C4orf50: variants seen among roughly 807,000 people sequenced by gnomAD.
The protein encoded by C4orf50 is uncharacterized protein C4orf50.
A neutral mutation model predicts 77.2 loss-of-function variants in C4orf50; 80 were observed. The observed-to-expected ratio is 1.04, with a 90% confidence interval of 0.87 to 1.25. The LOEUF (loss-of-function observed/expected upper bound fraction) is 1.25. Ranked by LOEUF, C4orf50 falls within the 50% of genes most tolerant of loss-of-function variation. The probability of loss-of-function intolerance (pLI) is 0.00; values close to 1 mark genes in which losing one functional copy is unlikely to be tolerated. For missense variants in C4orf50, 1,257 were observed against 1,152.9 expected, an observed-to-expected ratio of 1.09 and a Z score of -1.31; for synonymous variants, 532 against 465.3, an observed-to-expected ratio of 1.14 and a Z score of -1.84.
At chr4:5,926,065 G>A (rs1334116306) in intron 7 of C4orf50, among the ~76,000 whole-genome samples, 1 of 152,172 alleles carries the variant, frequency 6.6e-6, no homozygotes, top group African/African-American at 2.4e-5. Flanking sequence ...CTGGAAGGAG[G>A]GGCTCCAGGG....
intron 7 of C4orf50, among the ~76,000 whole-genome samples, chr4:5,933,411 A>C (rs1254724708): frequency 2.0e-5 from 3 of 152,210 alleles, no homozygotes; most frequent in Admixed American, 2.0e-4. Context: ...TATGAATGGC[A>C]GCTCCTGCCT....
At chr4:5,947,092 T>C (rs1019919834) in intron 7 of C4orf50, among the ~76,000 whole-genome samples, 1 of 152,172 alleles carries the variant, frequency 6.6e-6, no homozygotes, top group Non-Finnish European at 1.5e-5. Flanking sequence ...CTATTTAAGA[T>C]GAAAGGTGGA....
chr4:5,971,415 C>T (rs2108773054), intron 31 of C4orf50, among the ~76,000 whole-genome samples: 1 of 152,294 alleles, frequency 6.6e-6, no homozygotes, highest in African/African-American at 2.4e-5. Context: ...CAGCCTCCCC[C>T]GACTCCTCCC....
intron 7 of C4orf50, among the ~76,000 whole-genome samples, chr4:5,949,530 A>C (rs566726186): frequency 1.3e-5 from 2 of 152,360 alleles, no homozygotes; most frequent in East Asian, 3.8e-4. Context: ...GGTGGCTGTC[A>C]GGAGCTGGGG....
Position 6,009,896 on chromosome 4 carries a change from G to A in C4orf50, c.427-1364C>T, listed in dbSNP as rs192523658. On this transcript the variant is annotated intron_variant, in intron 24 of 33. Transcript: ENST00000531445. The surrounding 1 kb of genome is among the most constrained non-coding windows in gnomAD (Gnocchi z 5.6). ...CACTTTGAACATCTGCCGCCTGTCT[G>A]GAAATGGGGTTTTGTGATGAGTCTT... Among the ~76,000 whole-genome samples the A allele has an allele frequency of 6.6e-6, 1 of 152,264 alleles. No homozygotes were observed. The highest frequency in any genetic ancestry group is 1.9e-4 in the East Asian group (1 of 5,176).
intron 7 of C4orf50, among the ~76,000 whole-genome samples, chr4:5,931,562 T>G (rs926398909): frequency 1.5e-4 from 23 of 152,302 alleles, no homozygotes; most frequent in African/African-American, 4.8e-4. Flanking sequence ...ACCTGCCCTC[T>G]GCCCTTCTAG....
exon 28 of C4orf50, chr4:5,989,944 C>T (rs1002487118): frequency 2.1e-6 from 3 of 1,422,822 alleles, no homozygotes; most frequent in Non-Finnish European, 2.7e-6. Context: ...CTCCTTGCCC[C>T]TAGCTGTCCT....
intron 7 of C4orf50, among the ~76,000 whole-genome samples, chr4:5,950,438 G>T (rs974561782): frequency 1.3e-5 from 2 of 152,188 alleles, no homozygotes; most frequent in African/African-American, 4.8e-5. Context: ...GGTCATTGTC[G>T]ACGTTGCTGA....
At chr4:5,931,393 T>G (rs1484063946) in intron 7 of C4orf50, among the ~76,000 whole-genome samples, 1 of 152,188 alleles carries the variant, frequency 6.6e-6, no homozygotes, top group African/African-American at 2.4e-5. Context: ...GAACAGAGTT[T>G]TATGGTTTGC....
At chr4:5,949,611 G>T (rs1718634237) in intron 7 of C4orf50, among the ~76,000 whole-genome samples, 1 of 152,342 alleles carries the variant, frequency 6.6e-6, no homozygotes, top group Non-Finnish European at 1.5e-5. Flanking sequence ...AGGGTTCTGT[G>T]GGTGGATGGT....
chr4:5,900,111 TCA>T lies in C4orf50; in HGVS notation c.*2475-1925_*2475-1924del, dbSNP rs1716280699. On this transcript the variant is annotated intron_variant, in intron 7 of 7. Coordinates refer to the C4orf50 transcript ENST00000324058. This position sits in a 1 kb window ranked among gnomAD's most constrained non-coding sequence, Gnocchi z 4.3. ...CTGAGTTCTCAGAAGGTTTCACGTT[TCA>T]GACCTAGAATTTCACCCTGGAACCA... The T allele has an allele frequency of 6.6e-6, 1 of 152,150 alleles. No homozygotes were observed. The highest frequency in any genetic ancestry group is 2.4e-5 in the African/African-American group (1 of 41,438). The allele number at this position is 152,150 out of a possible 1,614,324, so 9.4% of individuals were successfully genotyped here.
chr4:5,943,345 G>C (rs1231500999), intron 7 of C4orf50, among the ~76,000 whole-genome samples: 1 of 152,164 alleles, frequency 6.6e-6, no homozygotes, highest in Non-Finnish European at 1.5e-5. Flanking sequence ...GTTTTCCCAG[G>C]GGTTCACATT....
chr4:5,966,225 C>T (rs530406547), intron 32 of C4orf50, among the ~76,000 whole-genome samples: 4 of 152,282 alleles, frequency 2.6e-5, no homozygotes, highest in African/African-American at 9.6e-5. Context: ...CCTGTAATCC[C>T]AGCACTTTGG....
intron 7 of C4orf50, among the ~76,000 whole-genome samples, chr4:5,933,839 C>T (rs1717876467): frequency 6.6e-6 from 1 of 152,040 alleles, no homozygotes; most frequent in Non-Finnish European, 1.5e-5. Context: ...GAAGTCCCCT[C>T]CAAGATAGAA....
In C4orf50 at chr4:5,959,818, G is replaced by A. The variant is rs1198161737; in HGVS notation, c.4276-192C>T. The stretch of plus-strand genomic sequence containing the variant: ...GTGACAGTTCAGTGAGACACATGCT[G>A]TCATCACTGCGTTCTGGGTCAGAAA... On this transcript the variant is annotated intron_variant, in intron 33 of 33. Transcript: ENST00000531445. Among the ~76,000 whole-genome samples, 3 of 152,224 alleles carry A rather than the reference G, an allele frequency of 2.0e-5. No individual in the cohort carries two copies. In the East Asian group the frequency reaches 5.8e-4, roughly 29 times the overall value.
At chr4:5,990,243 C>A in exon 28 of C4orf50, 1 of 1,235,654 alleles carries the variant, frequency 8.1e-7, no homozygotes, top group Non-Finnish European at 1.0e-6. Context: ...TCTGATCCTG[C>A]ACGTCCTCTG....
At chr4:6,014,476 C>T (rs1277573477) in intron 23 of C4orf50, among the ~76,000 whole-genome samples, 1 of 152,174 alleles carries the variant, frequency 6.6e-6, no homozygotes, top group African/African-American at 2.4e-5. Context: ...TTCTTCCTCA[C>T]ATTTCTAGCA....
intron 32 of C4orf50, 100 bp downstream of exon 10, chr4:5,967,314 G>C (rs972329720): frequency 2.0e-5 from 18 of 905,096 alleles, no homozygotes; most frequent in African/African-American, 1.5e-4. Flanking sequence ...GCATGAATGC[G>C]ACAGTGGGCA....
downstream of C4orf50, among the ~76,000 whole-genome samples, chr4:5,955,638 C>T (rs1029315717): frequency 1.3e-5 from 2 of 152,170 alleles, no homozygotes; most frequent in Admixed American, 6.5e-5. This position sits in a 1 kb window ranked among gnomAD's most constrained non-coding sequence, Gnocchi z 5.1. Context: ...CACTTCTCAG[C>T]GCCTCACCAG....
Sources: gnomAD v4.1 joint callset for allele counts (sites outside exome capture counted in the v4.1 genomes callset) on GRCh38, gnomAD v4.1.1 for gene constraint, Gnocchi (gnomAD v3.1) non-coding constraint, MANE v1.5 for transcripts, NCBI Gene and HGNC (gene_info 2026-07-23, HGNC 2026-07-21) for gene names.